The following ETS1 variants were observed in gnomAD, a reference collection of about 807,000 sequenced individuals.
The protein encoded by ETS1 is protein C-ets-1.
A neutral mutation model predicts 58.6 loss-of-function variants in ETS1; 15 were observed. The observed-to-expected ratio is 0.26, with a 90% CI of 0.17 to 0.39. The LOEUF is 0.39. ETS1 is among the 10% of genes least tolerant of loss of function. The pLI is 1.00. For synonymous variants in ETS1, 214 were observed against 218.2 expected (o/e 0.98, Z 0.17); for missense variants, 417 against 610.5 (o/e 0.68, Z 3.34).
intron 3 of ETS1, among the ~76,000 whole-genome samples, chr11:128,546,530 A>T (rs1224393376): frequency 2.6e-5 from 4 of 152,238 alleles, no homozygotes; most frequent in Non-Finnish European, 5.9e-5. Flanking sequence ...AAGTCATCTC[A>T]AATTTACTTA....
chr11:128,544,731 C>G (rs1864106904), intron 3 of ETS1, among the ~76,000 whole-genome samples: 1 of 152,100 alleles, frequency 6.6e-6, no homozygotes, highest in African/African-American at 2.4e-5. Flanking sequence ...CACGGAACAG[C>G]TGCGAGGAGA....
chr11:128,553,673 C>T (rs1169065459), intron 3 of ETS1, among the ~76,000 whole-genome samples: 1 of 151,936 alleles, frequency 6.6e-6, no homozygotes, highest in Non-Finnish European at 1.5e-5. Flanking sequence ...TCTCTCTTCC[C>T]CTTCCCTCCA....
chr11:128,501,191 C>G (rs766563668), intron 3 of ETS1, among the ~76,000 whole-genome samples: 5 of 152,190 alleles, frequency 3.3e-5, no homozygotes, highest in African/African-American at 4.8e-5. Flanking sequence ...CCTCGCTCCA[C>G]CTAGAAGCAT....
At chr11:128,586,541 G>A (rs974852017) in intron 1 of ETS1, among the ~76,000 whole-genome samples, 3 of 152,128 alleles carry the variant, frequency 2.0e-5, no homozygotes, top group African/African-American at 7.2e-5. Context: ...TTTTAGAATT[G>A]GTATTTCCTG....
intron 3 of ETS1, among the ~76,000 whole-genome samples, chr11:128,525,811 A>G (rs951878468): frequency 2.0e-5 from 3 of 152,182 alleles, no homozygotes; most frequent in Non-Finnish European, 4.4e-5. Context: ...GGGAAGAAAA[A>G]TGCCTGGCAC....
At chr11:128,564,930 T>C (rs903070410) in intron 2 of ETS1, among the ~76,000 whole-genome samples, 3 of 151,888 alleles carry the variant, frequency 2.0e-5, no homozygotes, top group Non-Finnish European at 4.4e-5. Flanking sequence ...TTGTTTTTTT[T>C]TGTTTTTTCC....
intron 3 of ETS1, chr11:128,521,903 C>T (rs746401194): frequency 3.1e-6 from 5 of 1,590,932 alleles, no homozygotes; most frequent in Non-Finnish European, 3.4e-6. Flanking sequence ...CCTCGGCCGT[C>T]GCCACTCACC....
In ETS1 at chr11:128,585,139, A is replaced by G. The variant is rs111771635; in HGVS notation, c.-15+2349T>C. Among the ~76,000 whole-genome samples, 29 of 8,320 alleles carry G rather than the reference A, an allele frequency of 3.5e-3. 2 individuals are homozygous for G. The highest frequency in any genetic ancestry group is 0.032 in the East Asian group (2 of 62). 5.5% of individuals were successfully genotyped at this position (8,320 alleles called of 152,430 possible). A position where few individuals can be genotyped will look rare whatever the true frequency, so the allele number is the denominator to read the frequency against. The stretch of plus-strand genomic sequence containing the variant: ...AGGAAAGAAAGAAGAAAGAAAGAAA[A>G]GAAAGAAAGAAAGAAAGAAAGAAAG... On this transcript the variant is annotated intron_variant, in intron 1 of 9. Coordinates refer to ENST00000392668, the MANE Select transcript of ETS1 (RefSeq NM_001143820.2).
chr11:128,548,062 G>A (rs552492928), intron 3 of ETS1, among the ~76,000 whole-genome samples: 2 of 134,554 alleles, frequency 1.5e-5, no homozygotes, highest in East Asian at 5.7e-4. Context: ...ATTCAATAGG[G>A]AAAAAAAGAG....
At chr11:128,551,527 C>G (rs939207648) in intron 3 of ETS1, among the ~76,000 whole-genome samples, 1 of 152,234 alleles carries the variant, frequency 6.6e-6, no homozygotes, top group African/African-American at 2.4e-5. Context: ...CAAAGCCACA[C>G]ATTAATACTG....
chr11:128,481,619 A>G (rs1356097198), intron 7 of ETS1, among the ~76,000 whole-genome samples: 1 of 152,232 alleles, frequency 6.6e-6, no homozygotes, highest in East Asian at 1.9e-4. Context: ...ACGGAGAAAT[A>G]TCCGTAAGTC....
At chr11:128,490,983 G>A (rs961641844) in intron 3 of ETS1, among the ~76,000 whole-genome samples, 1 of 152,116 alleles carries the variant, frequency 6.6e-6, no homozygotes, top group Non-Finnish European at 1.5e-5. Context: ...GCCTCCCAAA[G>A]TGCTGGGATC....
At chr11:128,524,168 G>A (rs1863755726) in intron 3 of ETS1, among the ~76,000 whole-genome samples, 1 of 152,146 alleles carries the variant, frequency 6.6e-6, no homozygotes, top group African/African-American at 2.4e-5. Flanking sequence ...AAACACTGCT[G>A]CTAACATCCA....
chr11:128,574,015 T>G (rs1255821396), intron 1 of ETS1, among the ~76,000 whole-genome samples: 4 of 152,234 alleles, frequency 2.6e-5, no homozygotes, highest in Non-Finnish European at 5.9e-5. Flanking sequence ...TCTGCCCTTT[T>G]CCTTAATTCT....
chr11:128,566,576 G>A (rs1038270316), intron 2 of ETS1, among the ~76,000 whole-genome samples: 8 of 152,146 alleles, frequency 5.3e-5, no homozygotes, highest in Non-Finnish European at 1.0e-4. Flanking sequence ...GAGGTCAGGA[G>A]ATCGAGACCA....
At chr11:128,473,065 C>T (rs550327169) in intron 8 of ETS1, among the ~76,000 whole-genome samples, 2 of 152,194 alleles carry the variant, frequency 1.3e-5, no homozygotes, top group Admixed American at 6.5e-5. Context: ...CTCATTTATA[C>T]AATGGGCATA....
At chr11:128,502,838 G>A (rs988216310) in intron 3 of ETS1, among the ~76,000 whole-genome samples, 15 of 152,212 alleles carry the variant, frequency 9.9e-5, no homozygotes, top group African/African-American at 3.4e-4. Flanking sequence ...GGCTGGGGAG[G>A]AAGGAACAGG....
Position 128,585,189 on chromosome 11 carries a change from GGAAGGAAAGAAAGAAAGAAAGAAAGAAA to G in ETS1, c.-15+2271_-15+2298del, listed in dbSNP as rs1864996702. 3.1e-3 allele frequency among the ~76,000 whole-genome samples: 38 copies of G among 12,202 alleles called. 1 individual carries two copies. The highest frequency in any genetic ancestry group is 0.013 in the African/African-American group (33 of 2,466). 8.0% of individuals were successfully genotyped at this position (12,202 alleles called of 152,430 possible). ...GAAAGAGAAAGAAAGAAAGAAAGAA[GGAAGGAAAGAAAGAAAGAAAGAAAGAAA>G]GAAAGAAAGAAAGAAAGAAAGAAAG... On this transcript the variant is annotated intron_variant, in intron 1 of 9. Coordinates refer to ENST00000392668, the MANE Select transcript of ETS1 (RefSeq NM_001143820.2).
chr11:128,515,978 A>G lies in ETS1; in HGVS notation c.215-25402T>C, dbSNP rs113104019. ...CAGCGTTGGCCAAGTGATCAATAAAATATTTACGGCTTGAATAGCAATATT... is the reference window on the plus strand; with the variant it reads ...CAGCGTTGGCCAAGTGATCAATAAAGTATTTACGGCTTGAATAGCAATATT... On this transcript the variant is annotated intron_variant, in intron 3 of 9. Transcript: ENST00000392668. 1.4e-3 allele frequency among the ~76,000 whole-genome samples: 207 copies of G among 152,350 alleles called. 1 individual carries two copies. The highest frequency in any genetic ancestry group is 4.8e-3 in the African/African-American group (198 of 41,576).
Sources: gnomAD v4.1 joint callset for allele counts (sites outside exome capture counted in the v4.1 genomes callset) on GRCh38, gnomAD v4.1.1 for gene constraint, MANE v1.5 for transcripts, NCBI Gene and HGNC (gene_info 2026-07-23, HGNC 2026-07-21) for gene names.